COL9A2: variants seen among roughly 807,000 people sequenced by gnomAD.
COL9A2 encodes collagen type IX alpha 2 chain, also known as collagen alpha-2(IX) chain.
COL9A2 carries 66 observed loss-of-function variants against 111.6 expected under a neutral mutation model. The ratio of observed to expected loss-of-function variants is 0.59; its 90% confidence interval spans 0.48 to 0.73. COL9A2 has a LOEUF of 0.73. COL9A2 is among the 30% of genes least tolerant of loss of function. COL9A2 has a pLI of 0.00. For missense variants in COL9A2, 881 were observed against 954.1 expected (o/e 0.92, Z 1.01); for synonymous variants, 353 against 364.1 (o/e 0.97, Z 0.35).
chr1:40,307,373 CG>C lies in COL9A2; in HGVS notation c.1008+72del, dbSNP rs571191656. 2.5e-4 allele frequency: 365 copies of C among 1,433,960 alleles called. 5 individuals carry two copies. In the South Asian group the frequency reaches 4.0e-3, roughly 16 times the overall value. 88.8% of individuals were successfully genotyped at this position (1,433,960 alleles called of 1,614,324 possible). The stretch of plus-strand genomic sequence containing the variant: ...AGAGGTGGTGATTGAGCAAGAGCCC[CG>C]GGTGTGTGTGGATTCTAACCTCATC... On this transcript the variant is annotated intron_variant, in intron 19 of 31. Transcript: ENST00000372748. This position sits in a 1 kb window ranked among gnomAD's most constrained non-coding sequence, Gnocchi z 4.8.
rs928625758 is a variant in COL9A2, at chr1:40,316,461, T to A, written c.75+662A>T. Among the ~76,000 whole-genome samples, 6 of 151,732 alleles carry A rather than the reference T, an allele frequency of 4.0e-5. No homozygotes were observed. The highest frequency in any genetic ancestry group is 9.7e-5 in the African/African-American group (4 of 41,306). On this transcript the variant is annotated intron_variant, in intron 1 of 31. Transcript: ENST00000372748. This position sits in a 1 kb window ranked among gnomAD's most constrained non-coding sequence, Gnocchi z 5.5. ...ATGAGGCGAGCTCACAGCTGGAGAG[T>A]CTCCATCCTGCTGCCCATCTCTGAA... is the stretch of plus-strand genomic sequence containing the variant.
Position 40,315,452 on chromosome 1 carries a change from C to T in COL9A2, c.150+138G>A. Reference sequence around the variant, plus strand: ...CAGAACAAACGGCGTCCTTGTGGTGCGGGCCGGCGCCGCCTATTGGCGACG... The same window carrying T: ...CAGAACAAACGGCGTCCTTGTGGTGTGGGCCGGCGCCGCCTATTGGCGACG... On this transcript the variant is annotated intron_variant, in intron 2 of 31. Transcript: ENST00000372748. 7 of 1,452,842 alleles carry T rather than the reference C, an allele frequency of 4.8e-6. No homozygotes were observed. In the South Asian group the frequency reaches 7.3e-5, roughly 15 times the overall value. 90.0% of individuals were successfully genotyped at this position (1,452,842 alleles called of 1,614,324 possible). A position where few individuals can be genotyped will look rare whatever the true frequency, so the allele number is the denominator to read the frequency against.
Position 40,311,663 on chromosome 1 carries a change from G to C in COL9A2, c.470C>G (p.Pro157Arg). The change falls in exon 9 of 32, where the codon CCT (proline) becomes CGT (arginine). Residue 157 changes from proline (P) to arginine (R), a missense_variant and splice_region_variant. Pro to Arg is a moderately radical substitution (Grantham distance 103). Transcript: ENST00000372748. This position sits in a 1 kb window ranked among gnomAD's most constrained non-coding sequence, Gnocchi z 5.1. ...TGTCGGGGGTCTGGGGACACTTACA[G>C]GTTTCCCAGGGGGTCCTGGGGGCCC... Reference protein sequence around the residue: ...PSGPPGPPGKPGRPGTIQGLE... With the variant: ...PSGPPGPPGKRGRPGTIQGLE... 3 of 1,613,992 alleles carry C rather than the reference G, an allele frequency of 1.9e-6. No homozygotes were observed. The highest frequency in any genetic ancestry group is 2.5e-6 in the Non-Finnish European group (3 of 1,179,930).
intron 16 of COL9A2, among the ~76,000 whole-genome samples, chr1:40,309,529 T>G (rs1173850997): frequency 6.6e-6 from 1 of 151,954 alleles, no homozygotes; most frequent in Non-Finnish European, 1.5e-5. Flanking sequence ...CTGGCCCCAG[T>G]GACCATGGGA....
rs528300272 is a variant in COL9A2, at chr1:40,311,836, C to T, written c.418-121G>A. The T allele has an allele frequency of 1.6e-5, 18 of 1,157,396 alleles. No homozygotes were observed. In the East Asian group the frequency reaches 4.3e-4, roughly 28 times the overall value. The allele number at this position is 1,157,396 out of a possible 1,614,324, so 71.7% of individuals were successfully genotyped here. ...TGTCTTCCCGGTCACTTTGTGAGAT[C>T]CACCATCTTGGGAGATGAAGGCCTG... On this transcript the variant is annotated intron_variant, in intron 8 of 31. Coordinates refer to ENST00000372748, the MANE Select transcript of COL9A2 (RefSeq NM_001852.4). The surrounding 1 kb of genome is among the most constrained non-coding windows in gnomAD (Gnocchi z 5.1).
At chr1:40,315,687 G>C in intron 1 of COL9A2, 23 bp from the exon 2 acceptor site, 2 of 1,541,708 alleles carry the variant, frequency 1.3e-6, no homozygotes, top group East Asian at 2.4e-5. Flanking sequence ...CACGGGGTGG[G>C]GCAGTCCTCA....
At position 40,317,256 on chromosome 1, in the gene COL9A2, T is replaced by A; in HGVS notation, c.-59A>T. On this transcript the variant is annotated 5_prime_UTR_variant, in exon 1 of 32. Transcript: ENST00000372748. The surrounding 1 kb of genome is among the most constrained non-coding windows in gnomAD (Gnocchi z 4.3). ...GTCCGCGCACGCACCGACGGCAGAG[T>A]CTCCCGGCGCTCCTCCAGCGCTGGC... 1 of 1,194,380 alleles carries A rather than the reference T, an allele frequency of 8.4e-7. No homozygotes were observed. Among genetic ancestry groups the A allele is most frequent in the Admixed American group, 2.2e-5 (1 of 45,122 alleles). The allele number at this position is 1,194,380 out of a possible 1,614,324, so 74.0% of individuals were successfully genotyped here.
rs1279101181 is a variant in COL9A2 at position 40,311,656 on chromosome 1, A to G, written c.471+6T>C. On this transcript the variant is annotated splice_donor_region_variant and intron_variant, in intron 9 of 31. Transcript: ENST00000372748. This position sits in a 1 kb window ranked among gnomAD's most constrained non-coding sequence, Gnocchi z 5.1. ...TTTGCCATGTCGGGGGTCTGGGGAC[A>G]CTTACAGGTTTCCCAGGGGGTCCTG... 1 of 1,613,670 alleles carries G rather than the reference A, an allele frequency of 6.2e-7. No homozygotes were observed.
rs209915 is a variant in COL9A2 at position 40,309,662 on chromosome 1, A to G, written c.846+276T>C. Among the ~76,000 whole-genome samples the G allele has an allele frequency of 0.015, 2,258 of 151,906 alleles. 37 individuals are homozygous for G. Among genetic ancestry groups the G allele is most frequent in the African/African-American group, 0.034 (1,390 of 41,428 alleles). On this transcript the variant is annotated intron_variant, in intron 16 of 31. Transcript: ENST00000372748. ...CACACACTCACTCACACACACATAC[A>G]TACACTCACAGTCACACACACACAC...
intron 1 of COL9A2, 22 bp from the exon 2 acceptor site, chr1:40,315,686 G>A (rs1196772569): frequency 1.3e-6 from 2 of 1,542,490 alleles, no homozygotes; most frequent in Admixed American, 2.0e-5. Flanking sequence ...ACACGGGGTG[G>A]GGCAGTCCTC....
In COL9A2 at chr1:40,312,797, G is replaced by A; in HGVS notation, c.250-13C>T. 2 of 1,550,160 alleles carry A rather than the reference G, an allele frequency of 1.3e-6. No individual in the cohort carries two copies. Among genetic ancestry groups the A allele is most frequent in the Non-Finnish European group, 8.7e-7 (1 of 1,146,544 alleles). ...CTCCAGTTAAACCCTGGGGAAGAAT[G>A]AAAATGTAGGATCAATGAGGGCCAA... On this transcript the variant is annotated splice_polypyrimidine_tract_variant and intron_variant, in intron 4 of 31. Transcript: ENST00000372748. The surrounding 1 kb of genome is among the most constrained non-coding windows in gnomAD (Gnocchi z 6.0).
At position 40,310,166 on chromosome 1, in the gene COL9A2, T is replaced by C; in HGVS notation, c.739-2A>G. On this transcript the variant is annotated splice_acceptor_variant, in intron 14 of 31. Coordinates refer to ENST00000372748, the MANE Select transcript of COL9A2 (RefSeq NM_001852.4). LOFTEE classifies it high-confidence loss of function. The surrounding 1 kb of genome is among the most constrained non-coding windows in gnomAD (Gnocchi z 4.9). The stretch of plus-strand genomic sequence containing the variant: ...CATGCCTTTATATCCATGAGGGCCC[T>C]GGGGAGAGGAAAGGGTTGCAGGTCA... 1 of 1,614,030 alleles carries C rather than the reference T, an allele frequency of 6.2e-7. No homozygotes were observed. The highest frequency in any genetic ancestry group is 8.5e-7 in the Non-Finnish European group (1 of 1,179,976).
chr1:40,306,252 T>A, intron 19 of COL9A2, 65 bp from the exon 20 acceptor site: 1 of 1,575,820 alleles, frequency 6.3e-7, no homozygotes, highest in Non-Finnish European at 8.7e-7. Flanking sequence ...CCTGCTGCTT[T>A]GCTTCCCATC....
In COL9A2 at chr1:40,312,022, G is replaced by A. The variant is rs776353024; in HGVS notation, c.417+37C>T. On this transcript the variant is annotated intron_variant, in intron 8 of 31. Coordinates refer to ENST00000372748, the MANE Select transcript of COL9A2 (RefSeq NM_001852.4). This position sits in a 1 kb window ranked among gnomAD's most constrained non-coding sequence, Gnocchi z 6.0. ...CCAGCTTGCCAGCTTGGAGATAGAA[G>A]GCAGGAGGCAGTGAACAGAGGGTGG... 2.5e-6 allele frequency: 4 copies of A among 1,583,480 alleles called. No homozygotes were observed. Among genetic ancestry groups the A allele is most frequent in the African/African-American group, 2.7e-5 (2 of 74,656 alleles).
intron 22 of COL9A2, 29 bp downstream of exon 22, chr1:40,304,765 G>C (rs868099685): frequency 4.6e-6 from 7 of 1,537,158 alleles, no homozygotes; most frequent in African/African-American, 2.7e-5. Context: ...AGAGGCCCCC[G>C]GGGAGGGGCC....
chr1:40,308,412 C>T (rs1273643642), intron 16 of COL9A2, among the ~76,000 whole-genome samples, 167 bp from the exon 17 acceptor site: 1 of 152,148 alleles, frequency 6.6e-6, no homozygotes. Context: ...ACCCTTCCTG[C>T]CCTGGCACCA....
rs1158567881 is a variant in COL9A2 at position 40,303,870 on chromosome 1, C to T, written c.1369-31G>A. On this transcript the variant is annotated intron_variant, in intron 26 of 31. Coordinates refer to ENST00000372748, the MANE Select transcript of COL9A2 (RefSeq NM_001852.4). This position sits in a 1 kb window ranked among gnomAD's most constrained non-coding sequence, Gnocchi z 4.6. The stretch of plus-strand genomic sequence containing the variant: ...GGCACAAGGAGCAGCGGTCACGAAG[C>T]CGCGGGGACCCCGGGGCCAGCCGCC... 6.5e-7 allele frequency: 1 copy of T among 1,550,002 alleles called. No homozygotes were observed. The highest frequency in any genetic ancestry group is 1.4e-5 in the African/African-American group (1 of 73,248).
Position 40,303,604 on chromosome 1 carries a change from G to T in COL9A2, c.1474C>A (p.Pro492Thr), listed in dbSNP as rs1444649342. 8.1e-6 allele frequency: 13 copies of T among 1,606,274 alleles called. No individual in the cohort carries two copies. Among genetic ancestry groups the T allele is most frequent in the Non-Finnish European group, 1.1e-5 (13 of 1,177,356 alleles). ...AGTCCTCGAGGGCCGGGGGGACCAGGGTAGCCCTGAACCCCTGGGGCGCCC... is the reference window on the plus strand; with the variant it reads ...AGTCCTCGAGGGCCGGGGGGACCAGTGTAGCCCTGAACCCCTGGGGCGCCC... ...DAGAPGVQGY[P>T]GPPGPRGLAG... is the part of the protein sequence containing the mutation. The change falls in exon 28 of 32, where the codon CCT (proline) becomes ACT (threonine). Residue 492 changes from proline (P) to threonine (T), a missense_variant. Coordinates refer to ENST00000372748, the MANE Select transcript of COL9A2 (RefSeq NM_001852.4). This position sits in a 1 kb window ranked among gnomAD's most constrained non-coding sequence, Gnocchi z 4.6.
chr1:40,304,272 CCT>C lies in COL9A2; in HGVS notation c.1287+46_1287+47del, dbSNP rs781505188. The C allele has an allele frequency of 1.3e-5, 20 of 1,547,256 alleles. No individual in the cohort carries two copies. The African/African-American group carries it at 1.6e-4, about 13-fold the overall frequency. On this transcript the variant is annotated intron_variant, in intron 24 of 31. Coordinates refer to ENST00000372748, the MANE Select transcript of COL9A2 (RefSeq NM_001852.4). The stretch of plus-strand genomic sequence containing the variant: ...TCTGAGTCCTGCCGACCCCACTCCC[CCT>C]GTTATAGGGCCCCTTTCCCAGGTGT...
Sources: gnomAD v4.1 joint callset for allele counts (sites outside exome capture counted in the v4.1 genomes callset) on GRCh38, gnomAD v4.1.1 for gene constraint, Gnocchi (gnomAD v3.1) non-coding constraint, MANE v1.5 for transcripts, NCBI Gene and HGNC (gene_info 2026-07-23, HGNC 2026-07-21) for gene names.